FGF14: variants seen among roughly 807,000 people sequenced by gnomAD.
FGF14 encodes the protein fibroblast growth factor 14.
FGF14 carries 5 observed loss-of-function variants against 25.5 expected under a neutral mutation model. That is an observed-to-expected ratio of 0.20 (90% CI 0.10 to 0.41). The LOEUF (loss-of-function observed/expected upper bound fraction) is 0.41. Ranked by LOEUF, FGF14 falls within the 10% of genes least tolerant of loss-of-function variation. The pLI is 1.00. For missense variants in FGF14, 222 were observed against 320.1 expected (o/e 0.69, Z 2.34); for synonymous variants, 138 against 118.3 (o/e 1.17, Z -1.08).
At chr13:102,364,917 T>G (rs2057666607) in intron 1 of FGF14, among the ~76,000 whole-genome samples, 1 of 152,228 alleles carries the variant, frequency 6.6e-6, no homozygotes, top group South Asian at 2.1e-4. Flanking sequence ...AACATCCATG[T>G]GGCCTAAACT....
intron 1 of FGF14, among the ~76,000 whole-genome samples, chr13:102,336,174 G>A (rs189292968): frequency 3.3e-5 from 5 of 152,302 alleles, no homozygotes; most frequent in Admixed American, 3.3e-4. Context: ...AGCCAAGATG[G>A]CTGAAGCTAG....
At chr13:101,818,725 T>C (rs1165353489) in intron 3 of FGF14, among the ~76,000 whole-genome samples, 2 of 152,168 alleles carry the variant, frequency 1.3e-5, no homozygotes, top group Non-Finnish European at 2.9e-5. Flanking sequence ...TTTATAAGCT[T>C]TCAGAGAGTA....
chr13:101,721,273 T>C lies in FGF14; in HGVS notation c.*1558A>G, dbSNP rs989113921. On this transcript the variant is annotated 3_prime_UTR_variant, in exon 5 of 5. Coordinates refer to ENST00000376143, the MANE Select transcript of FGF14 (RefSeq NM_004115.4). The stretch of plus-strand genomic sequence containing the variant: ...CCCTTTAGATCCAATATTGAACATT[T>C]TGCATGGAATCTTCATTGTGTAGTC... 1 of 152,176 alleles carries C rather than the reference T, an allele frequency of 6.6e-6. No homozygotes were observed. Among genetic ancestry groups the C allele is most frequent in the African/African-American group, 2.4e-5 (1 of 41,444 alleles). 9.4% of individuals were successfully genotyped at this position (152,176 alleles called of 1,614,324 possible). A position where few individuals can be genotyped will look rare whatever the true frequency, so the allele number is the denominator to read the frequency against.
At chr13:101,960,161 T>C (rs1711652145) in intron 1 of FGF14, among the ~76,000 whole-genome samples, 1 of 152,248 alleles carries the variant, frequency 6.6e-6, no homozygotes, top group African/African-American at 2.4e-5. Context: ...GCATATAAGC[T>C]GGCCTTGAGA....
chr13:102,382,876 T>C (rs2058216122), intron 1 of FGF14, among the ~76,000 whole-genome samples: 1 of 152,164 alleles, frequency 6.6e-6, no homozygotes, highest in African/African-American at 2.4e-5. Flanking sequence ...ATTCCATTCT[T>C]ATGAAATATC....
At chr13:101,958,183 G>T (rs1290469382) in intron 1 of FGF14, among the ~76,000 whole-genome samples, 1 of 152,162 alleles carries the variant, frequency 6.6e-6, no homozygotes, top group Non-Finnish European at 1.5e-5. Flanking sequence ...CTTCTCTAAA[G>T]CATGTTCTGT....
chr13:101,821,111 G>A lies in FGF14; in HGVS notation c.408+47614C>T, dbSNP rs533686427. Among the ~76,000 whole-genome samples, 291 of 151,202 alleles carry A rather than the reference G, an allele frequency of 1.9e-3. 2 individuals carry two copies. The highest frequency in any genetic ancestry group is 6.6e-3 in the African/African-American group (274 of 41,322). The stretch of plus-strand genomic sequence containing the variant: ...GTACAGGCGCCCGCTACCACGCCGG[G>A]CTAATTTTTTGTATTTTTAGTAGAG... On this transcript the variant is annotated intron_variant, in intron 3 of 4. Transcript: ENST00000376143.
intron 1 of FGF14, among the ~76,000 whole-genome samples, chr13:102,318,084 T>C (rs2056102461): frequency 6.6e-6 from 1 of 152,186 alleles, no homozygotes; most frequent in African/African-American, 2.4e-5. Flanking sequence ...TATCTGGCAT[T>C]TTCAGTAAAT....
At chr13:102,101,046 C>T (rs1399658423) in intron 1 of FGF14, among the ~76,000 whole-genome samples, 1 of 151,822 alleles carries the variant, frequency 6.6e-6, no homozygotes, top group Admixed American at 6.6e-5. Context: ...TTGCAGTGAG[C>T]TGAGATCACA....
intron 3 of FGF14, among the ~76,000 whole-genome samples, chr13:101,781,345 A>G (rs1168206004): frequency 6.6e-6 from 1 of 152,180 alleles, no homozygotes; most frequent in Non-Finnish European, 1.5e-5. Context: ...TGGCCTCAGG[A>G]AGACTGGATG....
At position 101,743,650 on chromosome 13, in the gene FGF14, TAAAG is replaced by T. The variant is rs1413955758; in HGVS notation, c.409-16844_409-16841del. Among the ~76,000 whole-genome samples, 5 of 152,300 alleles carry T rather than the reference TAAAG, an allele frequency of 3.3e-5. No individual in the cohort carries two copies. The East Asian group carries it at 7.7e-4, about 23-fold the overall frequency. On this transcript the variant is annotated intron_variant, in intron 3 of 4. Transcript: ENST00000376143. Reference sequence around the variant, plus strand: ...CACTGTCAGTGATAGAATGTTCAGATAAAGAAACATATACAACGAAGCAATGTCT... The same window carrying T: ...CACTGTCAGTGATAGAATGTTCAGATAAACATATACAACGAAGCAATGTCT...
chr13:102,133,996 TAAAC>T (rs1034856836), intron 1 of FGF14, among the ~76,000 whole-genome samples: 9 of 152,316 alleles, frequency 5.9e-5, no homozygotes, highest in Middle Eastern at 6.8e-3. Context: ...ACAAAAGCAA[TAAAC>T]AAACACTTCA....
chr13:102,077,989 A>G (rs1036417074), intron 1 of FGF14, among the ~76,000 whole-genome samples: 18 of 152,200 alleles, frequency 1.2e-4, no homozygotes, highest in Admixed American at 3.9e-4. Context: ...TTGCAACAAC[A>G]TGGATGAACC....
rs536614844 is a variant in FGF14 at position 101,719,371 on chromosome 13, A to T, written c.*3460T>A. ...ACTGGAGCGGGAGTCCTTTGGACCCATCGTGGATCTCTTTAAGCCACTGCT... is the reference window on the plus strand; with the variant it reads ...ACTGGAGCGGGAGTCCTTTGGACCCTTCGTGGATCTCTTTAAGCCACTGCT... On this transcript the variant is annotated 3_prime_UTR_variant, in exon 5 of 5. Coordinates refer to ENST00000376143, the MANE Select transcript of FGF14 (RefSeq NM_004115.4). 5.9e-5 allele frequency: 9 copies of T among 152,082 alleles called. No individual in the cohort carries two copies. Among genetic ancestry groups the T allele is most frequent in the Non-Finnish European group, 1.3e-4 (9 of 68,004 alleles). 9.4% of individuals were successfully genotyped at this position (152,082 alleles called of 1,614,324 possible).
At chr13:102,338,698 A>G (rs1055391893) in intron 1 of FGF14, among the ~76,000 whole-genome samples, 31 of 152,158 alleles carry the variant, frequency 2.0e-4, no homozygotes, top group African/African-American at 7.5e-4. Context: ...AAAACAAGAT[A>G]TCATAAAAAG....
rs185460978 is a variant in FGF14, at chr13:102,263,863, C to T, written c.208+137608G>A. ...TATTTGAAAGGCCAAATGTAAGAAC[C>T]AGGGGAAAAAAGTTGAGTGTCATTT... On this transcript the variant is annotated intron_variant, in intron 1 of 4. Transcript: ENST00000376131. 9.9e-5 allele frequency among the ~76,000 whole-genome samples: 15 copies of T among 152,116 alleles called. No homozygotes were observed. In the East Asian group the frequency reaches 2.3e-3, roughly 24 times the overall value.
chr13:102,029,102 G>T (rs1378616673), intron 1 of FGF14, among the ~76,000 whole-genome samples: 3 of 152,148 alleles, frequency 2.0e-5, no homozygotes, highest in East Asian at 3.9e-4. Context: ...AACTTCGCTG[G>T]CTTGGAAATC....
intron 1 of FGF14, among the ~76,000 whole-genome samples, chr13:102,302,919 G>T (rs989129178): frequency 6.6e-6 from 1 of 152,108 alleles, no homozygotes; most frequent in African/African-American, 2.4e-5. Flanking sequence ...ACATAAGTCA[G>T]ATCCTGCCAC....
At chr13:102,253,760 A>T (rs182565829) in intron 1 of FGF14, among the ~76,000 whole-genome samples, 40 of 152,224 alleles carry the variant, frequency 2.6e-4, no homozygotes, top group Middle Eastern at 6.8e-3. Context: ...TGGTTAGTTG[A>T]ATTGGGATGT....
Sources: gnomAD v4.1 joint callset for allele counts (sites outside exome capture counted in the v4.1 genomes callset) on GRCh38, gnomAD v4.1.1 for gene constraint, MANE v1.5 for transcripts, NCBI Gene and HGNC (gene_info 2026-07-23, HGNC 2026-07-21) for gene names.